The following AMPH variants were observed in gnomAD, a reference collection of about 807,000 sequenced individuals.
The protein encoded by AMPH is amphiphysin.
Under a neutral mutation model 99.1 loss-of-function variants are expected in AMPH, and 49 were observed. The ratio of observed to expected loss-of-function variants is 0.49; its 90% CI spans 0.39 to 0.63. AMPH has a LOEUF of 0.63. Ranked by LOEUF, AMPH falls within the 20% of genes least tolerant of loss-of-function variation. AMPH has a pLI of 0.00. For missense variants in AMPH, 759 were observed against 863.4 expected, an observed-to-expected ratio of 0.88 and a Z score of 1.52; for synonymous variants, 314 against 317.3, an observed-to-expected ratio of 0.99 and a Z score of 0.11.
In AMPH at chr7:38,389,649, C is replaced by T. The variant is rs146647561; in HGVS notation, c.1980+155G>A. 4.5e-3 allele frequency among the ~76,000 whole-genome samples: 687 copies of T among 152,304 alleles called. 4 individuals are homozygous for T. Among genetic ancestry groups the T allele is most frequent in the Middle Eastern group, 0.024 (7 of 294 alleles). On this transcript the variant is annotated intron_variant, in intron 20 of 20. Transcript: ENST00000356264. ...TCCCAAAAGGGTGTCCTAGAAACCT[C>T]GTTAATGATCTATGCTGTCACAAGC...
chr7:38,540,302 A>AAT (rs1161919972), intron 1 of AMPH, among the ~76,000 whole-genome samples: 2 of 152,178 alleles, frequency 1.3e-5, no homozygotes, highest in Non-Finnish European at 2.9e-5. Flanking sequence ...AATGCAAAAT[A>AAT]ATACACTATG....
At chr7:38,614,475 A>T (rs1218459830) in intron 1 of AMPH, among the ~76,000 whole-genome samples, 1 of 152,166 alleles carries the variant, frequency 6.6e-6, no homozygotes, top group East Asian at 1.9e-4. Flanking sequence ...GATATAGAAC[A>T]CGCATGAGTT....
chr7:38,390,285 C>T (rs1784451653), intron 19 of AMPH, among the ~76,000 whole-genome samples: 1 of 152,178 alleles, frequency 6.6e-6, no homozygotes, highest in African/African-American at 2.4e-5. Context: ...AGGAAAACCA[C>T]CACTTGCAGG....
chr7:38,562,601 G>A (rs1791593205), intron 1 of AMPH, among the ~76,000 whole-genome samples: 1 of 151,532 alleles, frequency 6.6e-6, no homozygotes, highest in South Asian at 2.1e-4. Flanking sequence ...AGCCTCTGAG[G>A]CAATATTGGG....
chr7:38,492,358 G>A (rs952646542), intron 4 of AMPH, among the ~76,000 whole-genome samples: 24 of 152,272 alleles, frequency 1.6e-4, no homozygotes, highest in African/African-American at 5.3e-4. Flanking sequence ...CACCTTGCCC[G>A]TGAAGGCATG....
At chr7:38,544,715 C>G (rs773244177) in intron 1 of AMPH, among the ~76,000 whole-genome samples, 2 of 152,212 alleles carry the variant, frequency 1.3e-5, no homozygotes, top group Admixed American at 6.5e-5. Context: ...GCCTCAGTTT[C>G]TTCATCTTTA....
At chr7:38,503,600 A>T (rs1789224794) in intron 3 of AMPH, 50 bp downstream of exon 3, 3 of 1,587,292 alleles carry the variant, frequency 1.9e-6, no homozygotes, top group African/African-American at 1.3e-5. Context: ...CATGAATTCC[A>T]AGAACAACCT....
Position 38,465,440 on chromosome 7 carries a change from C to T in AMPH, c.749+27G>A, listed in dbSNP as rs376756928. 10 of 1,550,460 alleles carry T rather than the reference C, an allele frequency of 6.4e-6. No individual in the cohort carries two copies. The African/African-American group carries it at 1.4e-4, about 21-fold the overall frequency. ...AGAAATTTTAGCAAGCAGGACATTA[C>T]AGGTGCTCCAATGAGCAGGGGCCTA... On this transcript the variant is annotated intron_variant, in intron 9 of 20. Coordinates refer to ENST00000356264, the MANE Select transcript of AMPH (RefSeq NM_001635.4).
At chr7:38,447,255 G>A (rs1052208916) in intron 11 of AMPH, among the ~76,000 whole-genome samples, 12 of 152,156 alleles carry the variant, frequency 7.9e-5, no homozygotes, top group Admixed American at 4.6e-4. Context: ...CCAATCTCAG[G>A]TGATCCGCTC....
chr7:38,565,006 C>T (rs1231883633), intron 1 of AMPH, among the ~76,000 whole-genome samples: 1 of 151,786 alleles, frequency 6.6e-6, no homozygotes, highest in Non-Finnish European at 1.5e-5. Flanking sequence ...TGCCTGTAGT[C>T]CCAGCTACTC....
intron 12 of AMPH, among the ~76,000 whole-genome samples, chr7:38,435,546 A>G (rs1247393531): frequency 6.6e-6 from 1 of 152,242 alleles, no homozygotes; most frequent in African/African-American, 2.4e-5. Context: ...ATTTTGAGTT[A>G]ACTTCCTTCT....
At chr7:38,422,523 A>AAATC (rs1218195825) in intron 15 of AMPH, 46 bp from the exon 16 acceptor site, 12 of 1,450,926 alleles carry the variant, frequency 8.3e-6, no homozygotes, top group Non-Finnish European at 1.2e-5. Flanking sequence ...AAAGATATTT[A>AAATC]AATCAGCTAC....
At chr7:38,394,250 TCCATGGGCCTCTG>T in intron 17 of AMPH, 36 bp from the exon 18 acceptor site, 1 of 1,605,232 alleles carries the variant, frequency 6.2e-7, no homozygotes, top group Non-Finnish European at 8.5e-7. Flanking sequence ...CGTCTGCATC[TCCATGGGCCTCTG>T]CCAGGAGTCA....
At chr7:38,420,765 A>C in intron 16 of AMPH, 1 of 309,730 alleles carries the variant, frequency 3.2e-6, no homozygotes, top group Admixed American at 4.0e-5. Flanking sequence ...ATTTAGTGAG[A>C]ACTCCAAAGG....
intron 1 of AMPH, among the ~76,000 whole-genome samples, chr7:38,554,867 C>T (rs1014497489): frequency 3.3e-5 from 5 of 152,148 alleles, no homozygotes; most frequent in African/African-American, 4.8e-5. Context: ...GAGAAGTCTA[C>T]CAGGAGATGC....
At chr7:38,546,364 C>A (rs1184512628) in intron 1 of AMPH, among the ~76,000 whole-genome samples, 1 of 152,098 alleles carries the variant, frequency 6.6e-6, no homozygotes, top group Non-Finnish European at 1.5e-5. Context: ...CTTTGATTTT[C>A]CACTTTACAC....
chr7:38,526,520 C>T (rs1322950650), intron 2 of AMPH, among the ~76,000 whole-genome samples: 2 of 147,116 alleles, frequency 1.4e-5, no homozygotes, highest in Admixed American at 7.1e-5. Context: ...AAGTGATCCA[C>T]CTACTTCGGC....
At chr7:38,478,667 T>A (rs1788174631) in intron 5 of AMPH, among the ~76,000 whole-genome samples, 1 of 152,098 alleles carries the variant, frequency 6.6e-6, no homozygotes, top group Non-Finnish European at 1.5e-5. Flanking sequence ...CAAACAGGAA[T>A]TTTAAAATGA....
chr7:38,520,200 CAA>C (rs1419445728), intron 2 of AMPH, among the ~76,000 whole-genome samples: 1 of 152,058 alleles, frequency 6.6e-6, no homozygotes, highest in African/African-American at 2.4e-5. Context: ...TATTAGACAT[CAA>C]CTTATCAAAA....
Sources: allele counts gnomAD v4.1 joint callset (sites outside exome capture counted in the v4.1 genomes callset), GRCh38; gene constraint gnomAD v4.1.1; transcripts MANE v1.5; gene names NCBI Gene and HGNC (gene_info 2026-07-23, HGNC 2026-07-21).